ATP2B1: variants seen among roughly 807,000 people sequenced by gnomAD.
ATP2B1 encodes plasma membrane calcium-transporting ATPase 1.
A neutral mutation model predicts 124.2 loss-of-function variants in ATP2B1; 14 were observed. The observed-to-expected ratio is 0.11, with a 90% CI of 0.07 to 0.18. ATP2B1 has a LOEUF of 0.18. ATP2B1 is among the 10% of genes least tolerant of loss of function. The pLI is 1.00. For missense variants in ATP2B1, 763 were observed against 1,466.1 expected (o/e 0.52, Z 7.83); for synonymous variants, 449 against 492.4 (o/e 0.91, Z 1.17).
chr12:89,606,627 G>A (rs1396334505), intron 15 of ATP2B1, among the ~76,000 whole-genome samples: 4 of 142,366 alleles, frequency 2.8e-5, no homozygotes, highest in Non-Finnish European at 4.5e-5. Context: ...AGGCTGGAGT[G>A]CAGTGGTGCG....
intron 15 of ATP2B1, among the ~76,000 whole-genome samples, chr12:89,605,840 A>C (rs1876735841): frequency 6.6e-6 from 1 of 152,220 alleles, no homozygotes; most frequent in African/African-American, 2.4e-5. Flanking sequence ...AAGCATGTTG[A>C]AAGATGCTGA....
intron 11 of ATP2B1, among the ~76,000 whole-genome samples, chr12:89,617,271 C>CT (rs1166187267): frequency 9.9e-5 from 15 of 152,162 alleles, no homozygotes; most frequent in Admixed American, 9.8e-4. Context: ...TACTCTAGAA[C>CT]TTCTCTAAAC....
At chr12:89,622,323 T>A (rs530583615) in intron 9 of ATP2B1, among the ~76,000 whole-genome samples, 1 of 152,064 alleles carries the variant, frequency 6.6e-6, no homozygotes, top group East Asian at 1.9e-4. Flanking sequence ...TTAACTCTGA[T>A]AGAGTTAACA....
intron 11 of ATP2B1, among the ~76,000 whole-genome samples, chr12:89,619,656 C>A: frequency 6.8e-6 from 1 of 146,524 alleles, no homozygotes; most frequent in African/African-American, 2.5e-5. Flanking sequence ...AAGACATAAA[C>A]TTGATTTTCT....
Position 89,603,333 on chromosome 12 carries a change from C to T in ATP2B1, c.2849-79G>A. Reference sequence around the variant, plus strand: ...AGGAGGTATACAAATTACAACTTAGCTAGACCTTTTATTTGATCTGAAATG... The same window carrying T: ...AGGAGGTATACAAATTACAACTTAGTTAGACCTTTTATTTGATCTGAAATG... On this transcript the variant is annotated intron_variant, in intron 17 of 20. Coordinates refer to ENST00000428670, the MANE Select transcript of ATP2B1 (RefSeq NM_001366521.1). The surrounding 1 kb of genome is among the most constrained non-coding windows in gnomAD (Gnocchi z 4.3). 8.5e-7 allele frequency: 1 copy of T among 1,181,624 alleles called. No homozygotes were observed. The highest frequency in any genetic ancestry group is 1.2e-6 in the Non-Finnish European group (1 of 857,328). The allele number at this position is 1,181,624 out of a possible 1,614,324, so 73.2% of individuals were successfully genotyped here.
chr12:89,591,058 T>C lies in ATP2B1; in HGVS notation c.3589A>G (p.Thr1197Ala). The change falls in exon 21 of 21, where the codon ACA becomes GCA. Residue 1197 changes from threonine (T) to alanine (A), a missense_variant. Physicochemically the swap from Thr to Ala is moderately conservative, Grantham distance 58. Around this residue, in one of 7 missense-constraint regions of ATP2B1, gnomAD observed 97 missense variants for 94.7 expected, o/e 1.02. Transcript: ENST00000428670. ...NNAVDSGIHL[T>A]IEMNKSATSS... ...GTAGCAGACTTGTTCATTTCTATTG[T>C]AAGGTGAATTCCACTGTCAACAGCA... 6.2e-7 allele frequency: 1 copy of C among 1,613,236 alleles called. No individual in the cohort carries two copies. The highest frequency in any genetic ancestry group is 8.5e-7 in the Non-Finnish European group (1 of 1,179,392).
chr12:89,698,894 G>A (rs561396131), intron 1 of ATP2B1, among the ~76,000 whole-genome samples: 43 of 152,250 alleles, frequency 2.8e-4, no homozygotes, highest in African/African-American at 9.2e-4. Flanking sequence ...GTAAACACTC[G>A]GTTTTGAGTG....
chr12:89,607,930 A>G (rs921412925), intron 15 of ATP2B1, among the ~76,000 whole-genome samples: 3 of 152,190 alleles, frequency 2.0e-5, no homozygotes, highest in Non-Finnish European at 4.4e-5. Context: ...CACTTTATCT[A>G]TAGATCAACA....
rs1428995688 is a variant in ATP2B1 at position 89,590,564 on chromosome 12, T to C, written c.*420A>G. On this transcript the variant is annotated 3_prime_UTR_variant, in exon 21 of 21. Coordinates refer to ENST00000428670, the MANE Select transcript of ATP2B1 (RefSeq NM_001366521.1). ...GATCTGTATCATTTATAAACATAAA[T>C]AATCCAAATTATTAACAGCCAACAG... is the stretch of plus-strand genomic sequence containing the variant. 1 of 159,458 alleles carries C rather than the reference T, an allele frequency of 6.3e-6. No individual in the cohort carries two copies. Among genetic ancestry groups the C allele is most frequent in the Non-Finnish European group, 1.4e-5 (1 of 71,718 alleles). The allele number at this position is 159,458 out of a possible 1,614,324, so 9.9% of individuals were successfully genotyped here.
At position 89,653,397 on chromosome 12, in the gene ATP2B1, C is replaced by T. The variant is rs1236821807; in HGVS notation, c.208+2282G>A. ...CTGCAAGCTCCGCTTCCCGGGTTCA[C>T]GCTATTCTCCTGCCTCAGCCTCCCG... On this transcript the variant is annotated intron_variant, in intron 2 of 20. Transcript: ENST00000428670. Among the ~76,000 whole-genome samples, 9 of 148,620 alleles carry T rather than the reference C, an allele frequency of 6.1e-5. No individual in the cohort carries two copies. The South Asian group carries it at 8.5e-4, about 14-fold the overall frequency.
intron 1 of ATP2B1, among the ~76,000 whole-genome samples, chr12:89,666,905 C>T (rs1485536116): frequency 6.6e-6 from 1 of 152,126 alleles, no homozygotes; most frequent in Admixed American, 6.5e-5. Context: ...TTGGTTTCCT[C>T]AGACTAGCCA....
intron 1 of ATP2B1, among the ~76,000 whole-genome samples, chr12:89,668,193 G>A (rs755167181): frequency 1.6e-4 from 24 of 152,146 alleles, no homozygotes; most frequent in Non-Finnish European, 2.6e-4. Context: ...ACCTCCGGAG[G>A]TTTTCTTAAA....
At chr12:89,602,902 C>T (rs966229099) in intron 18 of ATP2B1, 141 bp downstream of exon 18, 3 of 713,078 alleles carry the variant, frequency 4.2e-6, no homozygotes, top group African/African-American at 1.8e-5. Flanking sequence ...TAACATATAC[C>T]TTAAATCACC....
intron 5 of ATP2B1, among the ~76,000 whole-genome samples, chr12:89,632,747 G>C (rs1440870699): frequency 6.6e-6 from 1 of 152,130 alleles, no homozygotes; most frequent in Admixed American, 6.5e-5. Flanking sequence ...TTTTGGAATA[G>C]GGAAATAAAT....
At position 89,628,895 on chromosome 12, in the gene ATP2B1, T is replaced by G. The variant is rs550585172; in HGVS notation, c.929-1179A>C. On this transcript the variant is annotated intron_variant, in intron 6 of 20. Coordinates refer to ENST00000428670, the MANE Select transcript of ATP2B1 (RefSeq NM_001366521.1). ...GGCCACTGAGGGAACTGAGACACAT[T>G]ACCCCGGACTGCTTCTGAGTAATCG... 2.0e-5 allele frequency among the ~76,000 whole-genome samples: 3 copies of G among 152,104 alleles called. No homozygotes were observed. The East Asian group carries it at 5.8e-4, about 29-fold the overall frequency.
At chr12:89,610,114 G>A in intron 14 of ATP2B1, 71 bp from the exon 15 acceptor site, 1 of 1,383,960 alleles carries the variant, frequency 7.2e-7, no homozygotes, top group Non-Finnish European at 1.0e-6. Context: ...AGAATATCCT[G>A]ACGTCGGTTT....
At chr12:89,610,170 A>G (rs1565814387) in intron 14 of ATP2B1, 127 bp from the exon 15 acceptor site, 6 of 938,824 alleles carry the variant, frequency 6.4e-6, no homozygotes, top group Non-Finnish European at 7.8e-6. Flanking sequence ...AAAAATGGAA[A>G]TTGCTTAGAT....
intron 1 of ATP2B1, among the ~76,000 whole-genome samples, chr12:89,702,396 C>A (rs1891958304): frequency 6.6e-6 from 1 of 151,972 alleles, no homozygotes; most frequent in African/African-American, 2.4e-5. Context: ...TATTGAAAAA[C>A]AAAAGAAAAT....
chr12:89,599,233 C>T lies in ATP2B1; in HGVS notation c.3235G>A (p.Glu1079Lys). 6.2e-7 allele frequency: 1 copy of T among 1,614,142 alleles called. No individual in the cohort carries two copies. Among genetic ancestry groups the T allele is most frequent in the South Asian group, 1.1e-5 (1 of 91,074 alleles). ...GCTAATTCCTCCTCAGGTATTTCTTCCTTTTGTGTTCCATGACCAGCTTCT... is the reference window on the plus strand; with the variant it reads ...GCTAATTCCTCCTCAGGTATTTCTTTCTTTTGTGTTCCATGACCAGCTTCT... ...LKEAGHGTQK[E>K]EIPEEELAED... is the part of the protein sequence containing the mutation. Residue 1079 changes from glutamate to lysine, a missense_variant, in exon 20 of 21, where the codon GAA becomes AAA. Around this residue, in one of 7 missense-constraint regions of ATP2B1, gnomAD observed 118 missense variants for 240.3 expected, o/e 0.49. Coordinates refer to ENST00000428670, the MANE Select transcript of ATP2B1 (RefSeq NM_001366521.1).
Sources: allele counts gnomAD v4.1 joint callset (sites outside exome capture counted in the v4.1 genomes callset), GRCh38; gene constraint gnomAD v4.1.1; regional missense constraint gnomAD v4.1.1; non-coding constraint Gnocchi (gnomAD v3.1); transcripts MANE v1.5; gene names NCBI Gene and HGNC (gene_info 2026-07-23, HGNC 2026-07-21).